Variants in PKIG observed in about 807,000 individuals in gnomAD.
PKIG encodes cAMP-dependent protein kinase inhibitor gamma.
A neutral mutation model predicts 6.8 loss-of-function variants in PKIG; 1 was observed. The observed-to-expected ratio is 0.15, with a 90% CI of 0.05 to 0.69. The LOEUF is 0.69. Ranked by LOEUF, PKIG falls within the 30% of genes least tolerant of loss-of-function variation. PKIG has a pLI of 0.82. For missense variants in PKIG, 77 were observed against 104.0 expected, an observed-to-expected ratio of 0.74 and a Z score of 1.13; for synonymous variants, 39 against 43.0, an observed-to-expected ratio of 0.91 and a Z score of 0.36.
intron 2 of PKIG, among the ~76,000 whole-genome samples, chr20:44,610,095 T>G (rs1290917745): frequency 6.6e-6 from 1 of 152,170 alleles, no homozygotes; most frequent in Non-Finnish European, 1.5e-5. Context: ...CGGGAATTCT[T>G]TTAGCCAAGG....
At chr20:44,580,639 C>T (rs533465566), upstream of PKIG, among the ~76,000 whole-genome samples, 37 of 151,944 alleles carry the variant, frequency 2.4e-4, no homozygotes, top group African/African-American at 8.0e-4. Flanking sequence ...TGAGCCACCG[C>T]GCCCGGCCAG....
chr20:44,548,038 G>A (rs1172483440), intron 1 of PKIG, among the ~76,000 whole-genome samples: 1 of 152,044 alleles, frequency 6.6e-6, no homozygotes, highest in Admixed American at 6.6e-5. Flanking sequence ...AATTAGCCGG[G>A]TGTGGTGTTG....
intron 1 of PKIG, among the ~76,000 whole-genome samples, chr20:44,552,510 T>A (rs762445370): frequency 1.6e-4 from 24 of 152,156 alleles, no homozygotes; most frequent in Non-Finnish European, 3.1e-4. Flanking sequence ...ACCTGATGCA[T>A]TGCCTTGCTC....
At chr20:44,575,535 T>C (rs1381488549) in intron 1 of PKIG, among the ~76,000 whole-genome samples, 4 of 152,158 alleles carry the variant, frequency 2.6e-5, no homozygotes, top group Admixed American at 2.6e-4. Flanking sequence ...AGGGGATAGG[T>C]CTCAGTTCAT....
intron 2 of PKIG, among the ~76,000 whole-genome samples, chr20:44,603,910 TG>T (rs2065143063): frequency 6.6e-6 from 1 of 152,076 alleles, no homozygotes; most frequent in East Asian, 1.9e-4. Flanking sequence ...TATACATAAA[TG>T]GATTGGCCTG....
At chr20:44,575,986 T>G (rs2064893842) in intron 1 of PKIG, among the ~76,000 whole-genome samples, 1 of 152,200 alleles carries the variant, frequency 6.6e-6, no homozygotes, top group Non-Finnish European at 1.5e-5. Flanking sequence ...AACTTCAGCT[T>G]CTGTTGTCAT....
At position 44,576,504 on chromosome 20, in the gene PKIG, G is replaced by C. The variant is rs569815486; in HGVS notation, c.-240-6081G>C. On this transcript the variant is annotated intron_variant, in intron 1 of 4. Transcript: ENST00000372887. ...GAGTTAACCAAAATAAGAGGGAAGA[G>C]CCCTTCAAATTTGTATGTCAAAGTG... is the stretch of plus-strand genomic sequence containing the variant. Among the ~76,000 whole-genome samples, 15 of 152,204 alleles carry C rather than the reference G, an allele frequency of 9.9e-5. No homozygotes were observed. In the East Asian group the frequency reaches 2.9e-3, roughly 29 times the overall value.
At chr20:44,544,579 G>A (rs1177337678) in intron 1 of PKIG, among the ~76,000 whole-genome samples, 1 of 152,158 alleles carries the variant, frequency 6.6e-6, no homozygotes, top group African/African-American at 2.4e-5. Context: ...CTAGCCAAAC[G>A]GTCTTTGAGG....
At chr20:44,613,258 C>T (rs558376374) in intron 2 of PKIG, among the ~76,000 whole-genome samples, 9 of 152,320 alleles carry the variant, frequency 5.9e-5, no homozygotes, top group East Asian at 1.9e-4. Flanking sequence ...TTCTGCCTCC[C>T]GGGTTCATGC....
chr20:44,601,685 C>T (rs771266565), intron 2 of PKIG, among the ~76,000 whole-genome samples: 53 of 152,176 alleles, frequency 3.5e-4, no homozygotes, highest in Non-Finnish European at 6.9e-4. Flanking sequence ...AAACTTCTCC[C>T]ATAAGACCAG....
At position 44,549,251 on chromosome 20, in the gene PKIG, T is replaced by C. The variant is rs368696594; in HGVS notation, c.-241+17273T>C. On this transcript the variant is annotated intron_variant, in intron 1 of 4. Transcript: ENST00000372887. ...TCAAACAAACTAAACCCCCACTCTA[T>C]GCCCAGATAACAAAAAAACACGTAC... Among the ~76,000 whole-genome samples, 5 of 152,282 alleles carry C rather than the reference T, an allele frequency of 3.3e-5. No individual in the cohort carries two copies. The South Asian group carries it at 1.0e-3, about 32-fold the overall frequency.
chr20:44,550,600 G>T (rs998527057), intron 1 of PKIG, among the ~76,000 whole-genome samples: 1 of 152,142 alleles, frequency 6.6e-6, no homozygotes, highest in Non-Finnish European at 1.5e-5. Context: ...GGTGGAGAAG[G>T]ACTCTGGTGA....
chr20:44,539,710 T>G (rs1427512474), intron 1 of PKIG, among the ~76,000 whole-genome samples: 1 of 152,042 alleles, frequency 6.6e-6, no homozygotes, highest in East Asian at 1.9e-4. Flanking sequence ...TGAGCCACCA[T>G]GCCCAGCCTC....
intron 1 of PKIG, among the ~76,000 whole-genome samples, chr20:44,535,055 A>G (rs2064500228): frequency 6.6e-6 from 1 of 152,228 alleles, no homozygotes; most frequent in African/African-American, 2.4e-5. Context: ...TATAAGATAG[A>G]CAAAAAGCAA....
intron 1 of PKIG, among the ~76,000 whole-genome samples, chr20:44,546,663 C>T (rs963862717): frequency 5.3e-5 from 8 of 151,600 alleles, no homozygotes; most frequent in Non-Finnish European, 8.8e-5. Context: ...GGCGATTCTC[C>T]TGCCTCAGCC....
intron 1 of PKIG, among the ~76,000 whole-genome samples, chr20:44,565,743 C>T (rs1316221771): frequency 6.6e-6 from 1 of 152,114 alleles, no homozygotes; most frequent in Non-Finnish European, 1.5e-5. Context: ...TGGACTTTAC[C>T]TCAGGCAATC....
chr20:44,603,985 A>G (rs1017730455), intron 2 of PKIG, among the ~76,000 whole-genome samples: 1 of 146,008 alleles, frequency 6.8e-6, no homozygotes, highest in Admixed American at 6.9e-5. Context: ...ATGTTGGGGA[A>G]TGTCCCTCTT....
chr20:44,594,679 C>A lies in PKIG; in HGVS notation c.-24+4813C>A, dbSNP rs140301598. ...GCCTCCCCCATTCCCACCCCTCACC[C>A]CTCTTCGGCTCTGTCTCCTTGCAAT... On this transcript the variant is annotated intron_variant, in intron 2 of 3. Transcript: ENST00000372886. 8.9e-4 allele frequency among the ~76,000 whole-genome samples: 135 copies of A among 152,302 alleles called. 1 individual carries two copies. In the East Asian group the frequency reaches 0.025, roughly 28 times the overall value.
chr20:44,583,852 G>A (rs2064967883), intron 1 of PKIG, among the ~76,000 whole-genome samples: 2 of 152,164 alleles, frequency 1.3e-5, no homozygotes, highest in Non-Finnish European at 2.9e-5. Context: ...GTTTCCCAGA[G>A]TAGCTAAAAA....
Sources: gnomAD v4.1 joint callset for allele counts (sites outside exome capture counted in the v4.1 genomes callset) on GRCh38, gnomAD v4.1.1 for gene constraint, MANE v1.5 for transcripts, NCBI Gene and HGNC (gene_info 2026-07-23, HGNC 2026-07-21) for gene names.